Variants in GSK3B observed in about 807,000 individuals in gnomAD.
The protein encoded by GSK3B is glycogen synthase kinase-3 beta.
GSK3B carries 15 observed loss-of-function variants against 56.4 expected under a neutral mutation model. That is an observed-to-expected ratio of 0.27 (90% CI 0.18 to 0.41). The LOEUF (loss-of-function observed/expected upper bound fraction) is 0.41, where lower values mean the gene tolerates loss of function less well. Among genes scored for constraint, GSK3B ranks in the 10% least tolerant of loss-of-function variants. The probability of loss-of-function intolerance (pLI) is 1.00; values close to 1 mark genes in which losing one functional copy is unlikely to be tolerated. For synonymous variants in GSK3B, 181 were observed against 188.9 expected, an observed-to-expected ratio of 0.96 and a Z score of 0.34; for missense variants, 300 against 513.4, an observed-to-expected ratio of 0.58 and a Z score of 4.02.
At chr3:119,890,744 TAAA>T (rs11356363) in intron 7 of GSK3B, among the ~76,000 whole-genome samples, 6 of 130,830 alleles carry the variant, frequency 4.6e-5, no homozygotes, top group Non-Finnish European at 5.2e-5. Context: ...ATTTAAAAAG[TAAA>T]AAAAAAAAAA....
At chr3:119,885,928 C>T (rs1203528706) in intron 7 of GSK3B, among the ~76,000 whole-genome samples, 1 of 152,010 alleles carries the variant, frequency 6.6e-6, no homozygotes, top group African/African-American at 2.4e-5. Flanking sequence ...AAATATAAGA[C>T]CTCAAACTAT....
At chr3:119,875,914 C>A (rs977420921) in intron 8 of GSK3B, among the ~76,000 whole-genome samples, 7 of 152,024 alleles carry the variant, frequency 4.6e-5, no homozygotes, top group Non-Finnish European at 1.0e-4. Flanking sequence ...AATGTATACT[C>A]CCAGCAAGAT....
intron 1 of GSK3B, among the ~76,000 whole-genome samples, chr3:120,016,751 CA>C (rs2057831230): frequency 6.6e-6 from 1 of 152,068 alleles, no homozygotes; most frequent in South Asian, 2.1e-4. Context: ...TACTTTAAAC[CA>C]AACAATAAAC....
intron 2 of GSK3B, among the ~76,000 whole-genome samples, chr3:119,949,101 A>AT (rs1037184238): frequency 1.4e-4 from 22 of 152,180 alleles, no homozygotes; most frequent in Non-Finnish European, 2.2e-4. Context: ...ATTAAGACTG[A>AT]TTTTTTTAAC....
intron 1 of GSK3B, 110 bp from the exon 2 acceptor site, chr3:120,002,349 T>TA (rs904077840): frequency 1.1e-5 from 6 of 523,948 alleles, no homozygotes; most frequent in African/African-American, 7.9e-5. Context: ...ATTTTATTTT[T>TA]TTTTTTGAGA....
At chr3:119,893,993 C>T (rs2056533476) in intron 7 of GSK3B, among the ~76,000 whole-genome samples, 1 of 151,858 alleles carries the variant, frequency 6.6e-6, no homozygotes, top group Non-Finnish European at 1.5e-5. Context: ...AATTTTAGAA[C>T]ATGTTCATTA....
At chr3:119,873,907 T>C (rs1383840322) in intron 8 of GSK3B, among the ~76,000 whole-genome samples, 1 of 152,088 alleles carries the variant, frequency 6.6e-6, no homozygotes, top group Non-Finnish European at 1.5e-5. Flanking sequence ...CACAGTCCTT[T>C]TAATAGACAA....
chr3:119,998,034 A>G (rs1311587130), intron 2 of GSK3B, among the ~76,000 whole-genome samples: 2 of 151,476 alleles, frequency 1.3e-5, no homozygotes, highest in African/African-American at 4.9e-5. Context: ...CTTTCTCAGC[A>G]TTATACCAAA....
At position 119,874,713 on chromosome 3, in the gene GSK3B, T is replaced by C. The variant is rs550779471; in HGVS notation, c.909+1700A>G. ...AAAATAACATTATTATTAAAGAAAA[T>C]ATGAAAGTTTGAAAAGGTAGAACAA... On this transcript the variant is annotated intron_variant, in intron 8 of 10. Transcript: ENST00000264235. Among the ~76,000 whole-genome samples, 62 of 152,034 alleles carry C rather than the reference T, an allele frequency of 4.1e-4. 1 individual carries two copies. Among genetic ancestry groups the C allele is most frequent in the Middle Eastern group, 3.4e-3 (1 of 294 alleles).
intron 10 of GSK3B, among the ~76,000 whole-genome samples, chr3:119,832,297 G>C (rs2055614321): frequency 6.6e-6 from 1 of 152,248 alleles, no homozygotes; most frequent in South Asian, 2.1e-4. Flanking sequence ...TGTGGAAGCA[G>C]AGCTTCTGCC....
rs544859594 is a variant in GSK3B at position 119,919,599 on chromosome 3, C to A, written c.478-3425G>T. On this transcript the variant is annotated intron_variant, in intron 4 of 10. Coordinates refer to ENST00000264235, the MANE Select transcript of GSK3B (RefSeq NM_001146156.2). ...GGAGAAAGAAAGGAGTGCTAGATTTCTCTCTGTATGCCAACTTCAGTATGT... is the reference window on the plus strand; with the variant it reads ...GGAGAAAGAAAGGAGTGCTAGATTTATCTCTGTATGCCAACTTCAGTATGT... 2.0e-5 allele frequency among the ~76,000 whole-genome samples: 3 copies of A among 150,830 alleles called. No individual in the cohort carries two copies. The South Asian group carries it at 6.3e-4, about 32-fold the overall frequency.
At chr3:119,944,681 C>T (rs2057083078) in intron 3 of GSK3B, among the ~76,000 whole-genome samples, 1 of 152,140 alleles carries the variant, frequency 6.6e-6, no homozygotes, top group Non-Finnish European at 1.5e-5. Context: ...CTAGAGCCAC[C>T]ACCACCATCT....
At chr3:119,879,426 C>T (rs900478776) in intron 7 of GSK3B, among the ~76,000 whole-genome samples, 6 of 152,046 alleles carry the variant, frequency 3.9e-5, no homozygotes, top group Admixed American at 2.0e-4. Flanking sequence ...CGTGATTTAC[C>T]CACTTCAGCC....
chr3:119,939,429 T>C (rs1033093034), intron 3 of GSK3B, among the ~76,000 whole-genome samples: 1 of 152,146 alleles, frequency 6.6e-6, no homozygotes, highest in Non-Finnish European at 1.5e-5. Flanking sequence ...CATGTTATAT[T>C]AGGGATGGTC....
intron 2 of GSK3B, among the ~76,000 whole-genome samples, chr3:119,967,801 CCT>C (rs2057331503): frequency 2.1e-5 from 3 of 142,018 alleles, no homozygotes; most frequent in Admixed American, 7.1e-5. Context: ...TCTCTCTCTC[CCT>C]CTCTCCCTCC....
intron 9 of GSK3B, among the ~76,000 whole-genome samples, chr3:119,860,611 AGTTAGCTTTATT>A (rs1379127930): frequency 1.3e-5 from 2 of 152,206 alleles, no homozygotes; most frequent in African/African-American, 4.8e-5. Flanking sequence ...ATCAAAATGC[AGTTAGCTTTATT>A]GTAAGCTTTA....
chr3:119,989,739 C>G (rs776274274), intron 2 of GSK3B, among the ~76,000 whole-genome samples: 4 of 152,080 alleles, frequency 2.6e-5, no homozygotes, highest in Non-Finnish European at 4.4e-5. Context: ...TGTGTCATCC[C>G]ATTCCTGAGC....
At chr3:119,990,564 C>A (rs1000185142) in intron 2 of GSK3B, among the ~76,000 whole-genome samples, 3 of 152,194 alleles carry the variant, frequency 2.0e-5, no homozygotes, top group African/African-American at 7.2e-5. Context: ...TCAGAGAATA[C>A]TCATATCCTT....
chr3:119,963,151 A>T (rs561199570), intron 2 of GSK3B, among the ~76,000 whole-genome samples: 22 of 152,330 alleles, frequency 1.4e-4, no homozygotes, highest in African/African-American at 5.3e-4. Flanking sequence ...GAGGTGAAAG[A>T]CTTGTACACT....
Sources: allele counts gnomAD v4.1 joint callset (sites outside exome capture counted in the v4.1 genomes callset), GRCh38; gene constraint gnomAD v4.1.1; transcripts MANE v1.5; gene names NCBI Gene and HGNC (gene_info 2026-07-23, HGNC 2026-07-21).